INPP5F: variants seen among roughly 807,000 people sequenced by gnomAD.
The protein encoded by INPP5F is inositol polyphosphate-5-phosphatase F, also known as phosphatidylinositide 4-phosphatase SAC2.
A neutral mutation model predicts 137.2 loss-of-function variants in INPP5F; 97 were observed. The ratio of observed to expected loss-of-function variants is 0.71; its 90% CI spans 0.60 to 0.84. The LOEUF is 0.84. Ranked by LOEUF, INPP5F falls within the 40% of genes least tolerant of loss-of-function variation. The pLI is 0.00. For synonymous variants in INPP5F, 504 were observed against 476.9 expected (o/e 1.06, Z -0.74); for missense variants, 1,271 against 1,371.9 (o/e 0.93, Z 1.16).
chr10:119,746,873 CTA>C (rs1564805491), intron 1 of INPP5F, among the ~76,000 whole-genome samples: 1 of 151,644 alleles, frequency 6.6e-6, no homozygotes. Flanking sequence ...ACGGCAACCT[CTA>C]CTTCCCGGAT....
intron 2 of INPP5F, among the ~76,000 whole-genome samples, chr10:119,771,430 C>T (rs1259459581): frequency 2.6e-5 from 4 of 151,804 alleles, no homozygotes; most frequent in Admixed American, 6.6e-5. Flanking sequence ...AGTACAAGTG[C>T]GTGGTTTAAC....
chr10:119,726,356 C>G lies in INPP5F; in HGVS notation c.94C>G (p.Pro32Ala). ...CCGCGACGGCGGCCTCCAGCTCCGACCCGGTGAGGCTGGCGGTGCGGGCGG... is the reference window on the plus strand; with the variant it reads ...CCGCGACGGCGGCCTCCAGCTCCGAGCCGGTGAGGCTGGCGGTGCGGGCGG... The part of the protein sequence containing the change: ...SRRDGGLQLR[P>A]ATDLLLAWNP... The change falls in exon 1 of 20, where the codon CCC becomes GCC. Residue 32 changes from proline to alanine, a missense_variant. By Grantham distance (27) the Pro-to-Ala change is conservative (BLOSUM62 -1). Coordinates refer to ENST00000650623, the MANE Select transcript of INPP5F (RefSeq NM_014937.4). 7.1e-7 allele frequency: 1 copy of G among 1,404,952 alleles called. No homozygotes were observed. The highest frequency in any genetic ancestry group is 9.3e-7 in the Non-Finnish European group (1 of 1,072,678). The allele number at this position is 1,404,952 out of a possible 1,614,324, so 87.0% of individuals were successfully genotyped here.
chr10:119,760,052 A>C (rs563897255), intron 2 of INPP5F, among the ~76,000 whole-genome samples: 1 of 152,268 alleles, frequency 6.6e-6, no homozygotes, highest in African/African-American at 2.4e-5. Flanking sequence ...TGAGCTCCCC[A>C]GAGTGTGGTT....
chr10:119,819,446 A>T lies in INPP5F; in HGVS notation c.1887-1400A>T, dbSNP rs1389590437. The T allele has an allele frequency of 3.2e-6, 5 of 1,552,590 alleles. 1 individual carries two copies. The highest frequency in any genetic ancestry group is 1.7e-4 in the Middle Eastern group (1 of 5,934). ...CCAAAATAGGAGCTAGGATGAAAGT[A>T]ACACTGTAATTAGTAGTAGAATTTA... is the stretch of plus-strand genomic sequence containing the variant. On this transcript the variant is annotated intron_variant, in intron 15 of 19. Transcript: ENST00000650623.
At chr10:119,798,128 CTAATT>C (rs1241740039) in intron 8 of INPP5F, among the ~76,000 whole-genome samples, 1 of 150,420 alleles carries the variant, frequency 6.6e-6, no homozygotes, top group East Asian at 1.9e-4. Flanking sequence ...TCATTTAAAT[CTAATT>C]AGATTACTGA....
chr10:119,823,048 T>C (rs566161484), intron 17 of INPP5F, 23 bp from the exon 18 acceptor site: 4 of 1,600,406 alleles, frequency 2.5e-6, no homozygotes, highest in South Asian at 2.3e-5. Context: ...TTTAACTTTA[T>C]ACGTATTCAT....
chr10:119,763,980 T>C (rs1346879459), intron 2 of INPP5F, among the ~76,000 whole-genome samples: 1 of 152,214 alleles, frequency 6.6e-6, no homozygotes, highest in Non-Finnish European at 1.5e-5. Context: ...ACACGTTCCT[T>C]ATTTTCATCT....
At position 119,811,786 on chromosome 10, in the gene INPP5F, G is replaced by C; in HGVS notation, c.1717G>C (p.Asp573His). Reference sequence around the variant, plus strand: ...GATGCAAGGCATTCCAGTGACAGAAGATCTTTATTCCATATTTACCAAGGA... The same window carrying C: ...GATGCAAGGCATTCCAGTGACAGAACATCTTTATTCCATATTTACCAAGGA... The part of the protein sequence containing the change: ...DLMQGIPVTE[D>H]LYSIFTKEKE... Residue 573 changes from aspartate to histidine, a missense_variant, in exon 15 of 20, where the codon GAT becomes CAT. Around this residue, in one of 6 missense-constraint regions of INPP5F, gnomAD observed 593 missense variants for 712.4 expected, o/e 0.83. Transcript: ENST00000650623. 8 of 1,614,038 alleles carry C rather than the reference G, an allele frequency of 5.0e-6. No homozygotes were observed. The highest frequency in any genetic ancestry group is 6.8e-6 in the Non-Finnish European group (8 of 1,179,936).
intron 2 of INPP5F, among the ~76,000 whole-genome samples, chr10:119,760,945 C>T (rs1376879132): frequency 1.3e-5 from 2 of 152,086 alleles, no homozygotes; most frequent in African/African-American, 4.8e-5. Flanking sequence ...CATTTTAGTA[C>T]TTTAGGGGGA....
chr10:119,824,401 T>C (rs560408616), intron 19 of INPP5F, among the ~76,000 whole-genome samples: 1 of 152,344 alleles, frequency 6.6e-6, no homozygotes, highest in African/African-American at 2.4e-5. Context: ...TCAGCTGTTT[T>C]GTAGAACATC....
intron 15 of INPP5F, among the ~76,000 whole-genome samples, chr10:119,816,899 T>C (rs1352301293): frequency 6.6e-6 from 1 of 152,204 alleles, no homozygotes; most frequent in Non-Finnish European, 1.5e-5. Context: ...ATTCAGTGGT[T>C]TGTAGTATAT....
chr10:119,733,805 G>C (rs1848151788), intron 1 of INPP5F, among the ~76,000 whole-genome samples: 2 of 152,198 alleles, frequency 1.3e-5, no homozygotes, highest in African/African-American at 4.8e-5. Context: ...CATTGGTTCA[G>C]GTCCCCACTT....
intron 1 of INPP5F, among the ~76,000 whole-genome samples, chr10:119,733,739 T>C (rs545597378): frequency 6.6e-6 from 1 of 152,284 alleles, no homozygotes; most frequent in East Asian, 1.9e-4. Flanking sequence ...GAGTAGACCG[T>C]GAAGGTGCCA....
intron 2 of INPP5F, among the ~76,000 whole-genome samples, chr10:119,752,832 T>C (rs954461554): frequency 4.6e-5 from 7 of 152,100 alleles, no homozygotes; most frequent in African/African-American, 1.7e-4. Flanking sequence ...TTTTTATTTA[T>C]ATTTTTGAGA....
At chr10:119,821,413 G>A (rs1471036458) in intron 16 of INPP5F, among the ~76,000 whole-genome samples, 1 of 151,862 alleles carries the variant, frequency 6.6e-6, no homozygotes, top group Non-Finnish European at 1.5e-5. Context: ...TATGACTTTT[G>A]TGGTTTGTTG....
At chr10:119,767,130 A>C (rs944873783) in intron 2 of INPP5F, among the ~76,000 whole-genome samples, 1 of 150,168 alleles carries the variant, frequency 6.7e-6, no homozygotes, top group East Asian at 1.9e-4. Flanking sequence ...AAAAAAAAAA[A>C]AAACCTAGAG....
rs1198226617 is a variant in INPP5F at position 119,827,551 on chromosome 10, C to T, written c.3170C>T (p.Pro1057Leu). ...CTTGAGACAGGGCTTCATGTAACTC[C>T]TTCTCCTTCAGAGAGCAGTAGCAGC... ...LELETGLHVTPSPSESSSSRA... is the reference protein window; with the variant it reads ...LELETGLHVTLSPSESSSSRA... The change falls in exon 20 of 20, where the codon CCT (proline) becomes CTT (leucine). Residue 1057 changes from proline to leucine, a missense_variant. Pro to Leu is a moderately conservative substitution (Grantham distance 98, BLOSUM62 -3). Transcript: ENST00000650623. The T allele has an allele frequency of 1.3e-6, 2 of 1,591,774 alleles. No homozygotes were observed. The highest frequency in any genetic ancestry group is 1.7e-5 in the Admixed American group (1 of 59,168).
intron 3 of INPP5F, among the ~76,000 whole-genome samples, chr10:119,783,179 A>AT (rs777641802): frequency 1.3e-5 from 2 of 151,928 alleles, no homozygotes; most frequent in African/African-American, 2.4e-5. Flanking sequence ...TTTTGTCTGC[A>AT]TTTTTTTTGG....
At chr10:119,814,054 G>C (rs1481148319) in intron 15 of INPP5F, among the ~76,000 whole-genome samples, 1 of 151,732 alleles carries the variant, frequency 6.6e-6, no homozygotes, top group South Asian at 2.1e-4. Context: ...TTGACTTCCC[G>C]ATAACAGGGA....
Sources: gnomAD v4.1 joint callset for allele counts (sites outside exome capture counted in the v4.1 genomes callset) on GRCh38, gnomAD v4.1.1 for gene constraint, gnomAD v4.1.1 regional missense constraint, MANE v1.5 for transcripts, NCBI Gene and HGNC (gene_info 2026-07-23, HGNC 2026-07-21) for gene names.